Variants in EPB41 observed in about 807,000 individuals in gnomAD.
The protein encoded by EPB41 is protein 4.1.
A neutral mutation model predicts 108.0 loss-of-function variants in EPB41; 65 were observed. The observed-to-expected ratio is 0.60, with a 90% CI of 0.49 to 0.74. EPB41 has a LOEUF of 0.74. Among genes scored for constraint, EPB41 ranks in the 30% least tolerant of loss-of-function variants. EPB41 has a pLI of 0.00. For missense variants in EPB41, 875 were observed against 1,037.0 expected (o/e 0.84, Z 2.15); for synonymous variants, 336 against 358.9 (o/e 0.94, Z 0.72).
At chr1:29,006,429 G>A (rs2149829244) in intron 4 of EPB41, among the ~76,000 whole-genome samples, 1 of 151,998 alleles carries the variant, frequency 6.6e-6, no homozygotes, top group Admixed American at 6.6e-5. Flanking sequence ...AGTAGAGACA[G>A]GGTTTCACTG....
chr1:29,085,626 T>G (rs1288620057), intron 16 of EPB41, among the ~76,000 whole-genome samples: 2 of 151,924 alleles, frequency 1.3e-5, no homozygotes, highest in African/African-American at 4.8e-5. Context: ...TACCCCAAGT[T>G]TACAACCTCC....
intron 17 of EPB41, among the ~76,000 whole-genome samples, chr1:29,108,323 T>C (rs1007724478): frequency 2.6e-5 from 4 of 150,956 alleles, no homozygotes; most frequent in African/African-American, 9.7e-5. Flanking sequence ...TAATTTTGTA[T>C]TTTTAGTAGA....
At chr1:29,003,741 G>T (rs2096348256) in intron 4 of EPB41, among the ~76,000 whole-genome samples, 1 of 152,092 alleles carries the variant, frequency 6.6e-6, no homozygotes, top group African/African-American at 2.4e-5. Flanking sequence ...CGTGATAATG[G>T]GCCTATTGCT....
At chr1:29,043,325 G>A (rs1642193102) in intron 11 of EPB41, among the ~76,000 whole-genome samples, 1 of 152,162 alleles carries the variant, frequency 6.6e-6, no homozygotes, top group African/African-American at 2.4e-5. Context: ...TCAAAATCTG[G>A]GGAAAGAGCC....
chr1:28,892,715 T>C (rs1018716294), intron 1 of EPB41, among the ~76,000 whole-genome samples: 2 of 140,302 alleles, frequency 1.4e-5, no homozygotes, highest in Non-Finnish European at 3.1e-5. Context: ...AACAAACAAA[T>C]AAACAAAACA....
At chr1:28,989,572 TTAC>T (rs1484380825) in intron 2 of EPB41, 5 of 187,888 alleles carry the variant, frequency 2.7e-5, no homozygotes, top group Non-Finnish European at 5.0e-5. Flanking sequence ...TCTAGAACTA[TTAC>T]TTGTATATTC....
Position 28,889,690 on chromosome 1 carries a change from C to T in EPB41, c.-8+2480C>T, listed in dbSNP as rs1287185580. On this transcript the variant is annotated intron_variant, in intron 1 of 16. Transcript: ENST00000347529. ...GGCCCAGCTGATGGAACCTAGGCTG[C>T]AGGGTGAGACAGAGGCTGGGGTGGT... 6 of 455,340 alleles carry T rather than the reference C, an allele frequency of 1.3e-5. No homozygotes were observed. In the East Asian group the frequency reaches 7.7e-4, roughly 58 times the overall value. 28.2% of individuals were successfully genotyped at this position (455,340 alleles called of 1,614,324 possible).
intron 17 of EPB41, among the ~76,000 whole-genome samples, chr1:29,100,465 A>T (rs1004029435): frequency 1.4e-5 from 2 of 146,662 alleles, no homozygotes; most frequent in Admixed American, 7.1e-5. Flanking sequence ...TCTGTCTCAA[A>T]AAATAAATAA....
intron 1 of EPB41, among the ~76,000 whole-genome samples, chr1:28,931,902 C>G (rs1434919176): frequency 6.6e-6 from 1 of 152,158 alleles, no homozygotes; most frequent in East Asian, 1.9e-4. Context: ...GCTTGGTGGC[C>G]TTGGCAGGGG....
rs1158771295 is a variant in EPB41 at position 29,119,631 on chromosome 1, G to C, written c.*2819G>C. 3 of 152,472 alleles carry C rather than the reference G, an allele frequency of 2.0e-5. No individual in the cohort carries two copies. Among genetic ancestry groups the C allele is most frequent in the Non-Finnish European group, 4.4e-5 (3 of 68,284 alleles). 9.4% of individuals were successfully genotyped at this position (152,472 alleles called of 1,614,324 possible). On this transcript the variant is annotated 3_prime_UTR_variant, in exon 21 of 21. Coordinates refer to ENST00000343067, the MANE Select transcript of EPB41 (RefSeq NM_001376013.1). ...CCGCTGGGCCCATCAGTGTGTGTTG[G>C]GGGGATGCTTGGCAGCTGGGGGTGA...
At chr1:28,903,857 T>C (rs1253264726) in intron 1 of EPB41, among the ~76,000 whole-genome samples, 1 of 151,860 alleles carries the variant, frequency 6.6e-6, no homozygotes, top group African/African-American at 2.4e-5. Flanking sequence ...AGTGCAGTTT[T>C]TTTGTTGTTG....
chr1:28,926,102 T>C (rs905736402), intron 1 of EPB41, among the ~76,000 whole-genome samples: 1 of 151,740 alleles, frequency 6.6e-6, no homozygotes, highest in Non-Finnish European at 1.5e-5. Flanking sequence ...CCCAGCACTT[T>C]GGGAGGCCGA....
intron 1 of EPB41, among the ~76,000 whole-genome samples, chr1:28,945,463 A>C (rs1202411863): frequency 3.3e-5 from 5 of 152,198 alleles, no homozygotes; most frequent in African/African-American, 1.2e-4. Context: ...GAGAGGTTTT[A>C]AATAGATAAT....
intron 4 of EPB41, among the ~76,000 whole-genome samples, chr1:29,000,799 C>G (rs923035918): frequency 6.6e-6 from 1 of 151,670 alleles, no homozygotes; most frequent in Non-Finnish European, 1.5e-5. Flanking sequence ...TGGTAAACCT[C>G]CAGCTCAGAA....
At chr1:29,106,737 C>G (rs1032915726) in intron 17 of EPB41, among the ~76,000 whole-genome samples, 1 of 151,008 alleles carries the variant, frequency 6.6e-6, no homozygotes, top group Non-Finnish European at 1.5e-5. Flanking sequence ...CCACACCTGG[C>G]TAATTTTTGT....
chr1:28,952,578 C>T (rs943820869), intron 1 of EPB41, among the ~76,000 whole-genome samples: 3 of 152,066 alleles, frequency 2.0e-5, no homozygotes, highest in Non-Finnish European at 4.4e-5. Context: ...TTTAGTCAAT[C>T]TGGAAAATAC....
chr1:29,023,076 T>G (rs1025311685), intron 7 of EPB41, among the ~76,000 whole-genome samples: 2 of 151,620 alleles, frequency 1.3e-5, no homozygotes, highest in Non-Finnish European at 1.5e-5. Flanking sequence ...CTCACTGCAA[T>G]CTCCGCCTGC....
chr1:29,060,292 G>A (rs1004764270), intron 14 of EPB41, 130 bp from the exon 15 acceptor site: 2 of 692,964 alleles, frequency 2.9e-6, no homozygotes, highest in Non-Finnish European at 5.0e-6. Flanking sequence ...ACCATTTCAT[G>A]TTGGCATATG....
At chr1:28,945,917 C>T (rs1356658037) in intron 1 of EPB41, among the ~76,000 whole-genome samples, 2 of 152,156 alleles carry the variant, frequency 1.3e-5, no homozygotes, top group Admixed American at 6.5e-5. Context: ...GCAAGGTGGC[C>T]TCAGACTGCT....
Sources: gnomAD v4.1 joint callset for allele counts (sites outside exome capture counted in the v4.1 genomes callset) on GRCh38, gnomAD v4.1.1 for gene constraint, MANE v1.5 for transcripts, NCBI Gene and HGNC (gene_info 2026-07-23, HGNC 2026-07-21) for gene names.